Variants in MEP1B observed in about 807,000 individuals in gnomAD.
The protein encoded by MEP1B is N-benzoyl-L-tyrosyl-P-amino-benzoic acid hydrolase subunit beta.
A neutral mutation model predicts 84.6 loss-of-function variants in MEP1B; 80 were observed. The ratio of observed to expected loss-of-function variants is 0.95; its 90% CI spans 0.79 to 1.14. MEP1B has a LOEUF of 1.14. MEP1B is among the 50% of genes most tolerant of loss of function. The probability of loss-of-function intolerance (pLI) is 0.00; values close to 1 mark genes in which losing one functional copy is unlikely to be tolerated. For missense variants in MEP1B, 766 were observed against 855.1 expected (o/e 0.90, Z 1.30); for synonymous variants, 273 against 288.1 (o/e 0.95, Z 0.53).
intron 13 of MEP1B, 116 bp from the exon 14 acceptor site, chr18:32,217,645 T>C: frequency 2.4e-6 from 2 of 835,870 alleles, no homozygotes; most frequent in Non-Finnish European, 3.9e-6. Context: ...AATAGTTTCA[T>C]ATAGCAATGA....
Position 32,215,267 on chromosome 18 carries a change from T to A in MEP1B, c.1759+6T>A, listed in dbSNP as rs1223964644. 6.5e-7 allele frequency: 1 copy of A among 1,546,950 alleles called. No homozygotes were observed. Among genetic ancestry groups the A allele is most frequent in the African/African-American group, 1.4e-5 (1 of 71,608 alleles). On this transcript the variant is annotated splice_donor_region_variant and intron_variant, in intron 12 of 14. Coordinates refer to ENST00000269202, the MANE Select transcript of MEP1B (RefSeq NM_005925.3). ...TATCCTACTGACAGTGGAAGGTATG[T>A]CAATAAAAATAGTTTTATATAAACT... is the stretch of plus-strand genomic sequence containing the variant.
chr18:32,205,382 A>G (rs1229368349), intron 7 of MEP1B, among the ~76,000 whole-genome samples: 1 of 152,194 alleles, frequency 6.6e-6, no homozygotes, highest in Non-Finnish European at 1.5e-5. Flanking sequence ...GGGGCGAGAC[A>G]GAGGAAAGGG....
At chr18:32,192,378 G>C (rs1025704655) in intron 2 of MEP1B, among the ~76,000 whole-genome samples, 1 of 151,932 alleles carries the variant, frequency 6.6e-6, no homozygotes, top group Non-Finnish European at 1.5e-5. Context: ...ATAATATATG[G>C]AGCAACCAAT....
At chr18:32,214,995 A>G (rs1345778409) in intron 11 of MEP1B, 87 bp from the exon 12 acceptor site, 2 of 927,182 alleles carry the variant, frequency 2.2e-6, no homozygotes, top group Non-Finnish European at 3.4e-6. Context: ...TTCCAGCCTA[A>G]TTGTGTTTCA....
rs752492467 is a variant in MEP1B, at chr18:32,196,181, C to T, written c.250+696C>T. On this transcript the variant is annotated intron_variant, in intron 5 of 14. Transcript: ENST00000269202. The surrounding 1 kb of genome is among the most constrained non-coding windows in gnomAD (Gnocchi z 4.4). ...TGGAGCTGGTGTCACTGCGCCACCT[C>T]GGCTTTCAGACTCTCCAAGTCTTTT... 3.3e-5 allele frequency: 21 copies of T among 641,620 alleles called. No homozygotes were observed. The highest frequency in any genetic ancestry group is 6.0e-5 in the East Asian group (2 of 33,508). 39.7% of individuals were successfully genotyped at this position (641,620 alleles called of 1,614,324 possible).
intron 5 of MEP1B, among the ~76,000 whole-genome samples, chr18:32,201,195 A>G (rs1330970281): frequency 2.6e-5 from 4 of 152,152 alleles, no homozygotes; most frequent in African/African-American, 9.7e-5. Flanking sequence ...TATGGTGGTC[A>G]GTATTATCAT....
Position 32,191,804 on chromosome 18 carries a change from T to C in MEP1B, c.64-18T>C. 1 of 1,504,610 alleles carries C rather than the reference T, an allele frequency of 6.6e-7. No individual in the cohort carries two copies. Among genetic ancestry groups the C allele is most frequent in the Non-Finnish European group, 9.1e-7 (1 of 1,102,330 alleles). 93.2% of individuals were successfully genotyped at this position (1,504,610 alleles called of 1,614,324 possible). A position where few individuals can be genotyped will look rare whatever the true frequency, so the allele number is the denominator to read the frequency against. On this transcript the variant is annotated intron_variant, in intron 1 of 14. Coordinates refer to ENST00000269202, the MANE Select transcript of MEP1B (RefSeq NM_005925.3). ...GGGCATTATAATAATATGTTTTGTT[T>C]ATGTGTTTATTTCCCAGGCAACTCC...
At position 32,218,304 on chromosome 18, in the gene MEP1B, G is replaced by A. The variant is rs1393504578; in HGVS notation, c.2091+339G>A. Among the ~76,000 whole-genome samples the A allele has an allele frequency of 3.3e-5, 5 of 152,164 alleles. No individual in the cohort carries two copies. The South Asian group carries it at 1.0e-3, about 31-fold the overall frequency. On this transcript the variant is annotated intron_variant, in intron 14 of 14. Transcript: ENST00000269202. The stretch of plus-strand genomic sequence containing the variant: ...CAAACCTTCCTGGTAAAGGGAAGAG[G>A]TGGCCTGCAAGTGTTTTTGTTCTAA...
chr18:32,195,277 CA>C, intron 4 of MEP1B, 129 bp from the exon 5 acceptor site: 3 of 628,656 alleles, frequency 4.8e-6, no homozygotes, highest in Non-Finnish European at 5.7e-6. Flanking sequence ...CACACACACA[CA>C]CACACACACA....
At position 32,213,523 on chromosome 18, in the gene MEP1B, C is replaced by T; in HGVS notation, c.1543C>T (p.Gln515Ter). The T allele has an allele frequency of 6.2e-7, 1 of 1,613,860 alleles. No individual in the cohort carries two copies. The highest frequency in any genetic ancestry group is 8.5e-7 in the Non-Finnish European group (1 of 1,179,810). Reference sequence around the variant, plus strand: ...TGACATTCGACAGCGTATGTCCAATCAGCGGAGTATAACTACAGACCCATT... The same window carrying T: ...TGACATTCGACAGCGTATGTCCAATTAGCGGAGTATAACTACAGACCCATT... Reference protein sequence around the residue: ...NPDIRQRMSNQRSITTDPFMT... With the variant: ...NPDIRQRMSN Residue 515 changes from glutamine to a stop codon, truncating the protein, a stop_gained, in exon 11 of 15, where the codon CAG becomes TAG. Coordinates refer to ENST00000269202, the MANE Select transcript of MEP1B (RefSeq NM_005925.3). LOFTEE classifies it high-confidence loss of function.
Position 32,201,307 on chromosome 18 carries a change from C to CACACAA in MEP1B, c.251-1581_251-1580insAACACA, listed in dbSNP as rs757358189. ...TAACAGCCATATGTAGATACACACA[C>CACACAA]ACACACACACACACACACACACACA... On this transcript the variant is annotated intron_variant, in intron 5 of 14. Transcript: ENST00000269202. 1.1e-4 allele frequency among the ~76,000 whole-genome samples: 16 copies of CACACAA among 149,898 alleles called. No homozygotes were observed. In the East Asian group the frequency reaches 1.4e-3, roughly 13 times the overall value.
chr18:32,204,044 G>A (rs1377583704), intron 6 of MEP1B, 138 bp from the exon 7 acceptor site: 2 of 691,114 alleles, frequency 2.9e-6, no homozygotes, highest in Admixed American at 5.0e-5. Flanking sequence ...GGTTATGAGA[G>A]AAACGCACAG....
rs1457365252 is a variant in MEP1B, at chr18:32,205,897, TATC to T, written c.548-1352_548-1350del. ...TACTTAACATAGCCATCACCTCACT[TATC>T]ATTTTTATGGTGAGACATTTGAGGT... is the stretch of plus-strand genomic sequence containing the variant. On this transcript the variant is annotated intron_variant, in intron 7 of 14. Coordinates refer to ENST00000269202, the MANE Select transcript of MEP1B (RefSeq NM_005925.3). 2.6e-5 allele frequency among the ~76,000 whole-genome samples: 4 copies of T among 152,206 alleles called. No homozygotes were observed. The South Asian group carries it at 6.2e-4, about 24-fold the overall frequency.
chr18:32,198,614 G>C (rs1303600155), intron 5 of MEP1B, among the ~76,000 whole-genome samples: 1 of 152,152 alleles, frequency 6.6e-6, no homozygotes, highest in Non-Finnish European at 1.5e-5. Context: ...AGAAAATCCT[G>C]AGCTGGAATT....
intron 5 of MEP1B, among the ~76,000 whole-genome samples, chr18:32,202,243 G>A (rs1381365994): frequency 2.0e-5 from 3 of 152,156 alleles, no homozygotes; most frequent in African/African-American, 7.2e-5. Context: ...ATCTGATACA[G>A]CCCGTTCCTC....
At chr18:32,216,908 C>A in intron 12 of MEP1B, 83 bp from the exon 13 acceptor site, 36 of 1,392,588 alleles carry the variant, frequency 2.6e-5, no homozygotes, top group South Asian at 7.1e-5. Flanking sequence ...AAAAAAGAAA[C>A]ATTAAAAGAA....
intron 12 of MEP1B, among the ~76,000 whole-genome samples, chr18:32,215,674 A>G (rs1257533235): frequency 6.6e-6 from 1 of 152,100 alleles, no homozygotes; most frequent in Non-Finnish European, 1.5e-5. Context: ...AACATAAAAA[A>G]TTAGCTGGGC....
chr18:32,194,203 G>A (rs137995140), intron 4 of MEP1B, among the ~76,000 whole-genome samples: 43 of 152,106 alleles, frequency 2.8e-4, no homozygotes, highest in African/African-American at 8.7e-4. Context: ...ACTGCAAATC[G>A]TCCACTTTTC....
In MEP1B at chr18:32,195,405, A is replaced by G; in HGVS notation, c.172-2A>G. On this transcript the variant is annotated splice_acceptor_variant, in intron 4 of 14. Transcript: ENST00000269202. LOFTEE classifies it high-confidence loss of function. ...TAGCCCTTTTGCATTTATTTTTGAC[A>G]GGCACAAATTAGAAATTCCATCATT... is the stretch of plus-strand genomic sequence containing the variant. The G allele has an allele frequency of 3.7e-6, 6 of 1,600,226 alleles. No individual in the cohort carries two copies. Among genetic ancestry groups the G allele is most frequent in the Non-Finnish European group, 5.1e-6 (6 of 1,168,224 alleles).
Sources: allele counts gnomAD v4.1 joint callset (sites outside exome capture counted in the v4.1 genomes callset), GRCh38; gene constraint gnomAD v4.1.1; non-coding constraint Gnocchi (gnomAD v3.1); transcripts MANE v1.5; gene names NCBI Gene and HGNC (gene_info 2026-07-23, HGNC 2026-07-21).